Variants in SLIT3 observed in about 807,000 individuals in gnomAD.
The protein encoded by SLIT3 is slit guidance ligand 3, also known as slit homolog 3 protein.
In SLIT3, 68 loss-of-function variants were observed where a neutral mutation model predicts 184.0. The observed-to-expected ratio is 0.37, with a 90% CI of 0.30 to 0.45. The LOEUF is 0.45. Among genes scored for constraint, SLIT3 ranks in the 20% least tolerant of loss-of-function variants. The probability of loss-of-function intolerance (pLI) is 1.00; values close to 1 mark genes in which losing one functional copy is unlikely to be tolerated. For missense variants in SLIT3, 1,707 were observed against 2,026.0 expected, an observed-to-expected ratio of 0.84 and a Z score of 3.02; for synonymous variants, 831 against 828.6, an observed-to-expected ratio of 1.00 and a Z score of -0.05.
chr5:168,753,213 C>T (rs1754779495), intron 17 of SLIT3, 115 bp from the exon 18 acceptor site: 1 of 1,084,866 alleles, frequency 9.2e-7, no homozygotes, highest in Non-Finnish European at 1.3e-6. Context: ...ATTCTAAGCT[C>T]AGTCCAGCCA....
At position 169,300,876 on chromosome 5, in the gene SLIT3, GCGCTC is replaced by G; in HGVS notation, c.-172_-168del. 2.0e-6 allele frequency: 1 copy of G among 509,786 alleles called. No individual in the cohort carries two copies. The highest frequency in any genetic ancestry group is 2.8e-6 in the Non-Finnish European group (1 of 351,064). 31.6% of individuals were successfully genotyped at this position (509,786 alleles called of 1,614,324 possible). ...GCGCACGGGGCGCGGGCGGAGCGGG[GCGCTC>G]CGGGCGGCGGCGGCGGCAGCAACAG... On this transcript the variant is annotated 5_prime_UTR_variant, in exon 1 of 36. The change abolishes the stop of an existing upstream ORF in the 5' untranslated region. Transcript: ENST00000519560. The surrounding 1 kb of genome is among the most constrained non-coding windows in gnomAD (Gnocchi z 4.1).
intron 8 of SLIT3, among the ~76,000 whole-genome samples, chr5:168,815,089 T>G (rs1482426770): frequency 1.3e-5 from 2 of 152,222 alleles, no homozygotes; most frequent in African/African-American, 2.4e-5. Flanking sequence ...TAAATTCTCA[T>G]GTTCTCAAAA....
At chr5:169,244,097 C>T (rs1479608871) in intron 3 of SLIT3, among the ~76,000 whole-genome samples, 1 of 152,230 alleles carries the variant, frequency 6.6e-6, no homozygotes, top group African/African-American at 2.4e-5. Flanking sequence ...CATCCCTTTT[C>T]CTCTTTCCCT....
chr5:169,251,221 T>G (rs969458195), intron 2 of SLIT3, among the ~76,000 whole-genome samples, 167 bp downstream of exon 2: 1 of 152,206 alleles, frequency 6.6e-6, no homozygotes, highest in Admixed American at 6.5e-5. Flanking sequence ...ACACAGAATG[T>G]GATACCTGTA....
chr5:169,056,758 C>A (rs544588517), intron 4 of SLIT3, among the ~76,000 whole-genome samples: 2 of 152,164 alleles, frequency 1.3e-5, no homozygotes, highest in Non-Finnish European at 2.9e-5. Flanking sequence ...AGCAGATTGG[C>A]GGAGCTGACG....
In SLIT3 at chr5:168,971,797, A is replaced by G. The variant is rs1330895878; in HGVS notation, c.414-88461T>C. Among the ~76,000 whole-genome samples the G allele has an allele frequency of 2.0e-5, 3 of 152,180 alleles. 1 individual carries two copies. The highest frequency in any genetic ancestry group is 7.2e-5 in the African/African-American group (3 of 41,508). On this transcript the variant is annotated intron_variant, in intron 4 of 35. Coordinates refer to ENST00000519560, the MANE Select transcript of SLIT3 (RefSeq NM_003062.4). ...CTTTCTTCTGAGGGAAAACCTTTCC[A>G]CCTTCTCTCTCACCCTCCCTCCCTT...
At chr5:168,761,921 A>AAATTTTTT (rs1554139194) in intron 15 of SLIT3, among the ~76,000 whole-genome samples, 1 of 110,472 alleles carries the variant, frequency 9.1e-6, no homozygotes, top group African/African-American at 3.6e-5. Flanking sequence ...AAAAAAAAAA[A>AAATTTTTT]TTTTTTTTTT....
chr5:169,088,705 G>A (rs550767293), intron 4 of SLIT3, among the ~76,000 whole-genome samples: 16 of 152,126 alleles, frequency 1.1e-4, no homozygotes, highest in Admixed American at 9.8e-4. Context: ...GAGGAATACC[G>A]ATTCCAGGCC....
chr5:169,287,798 T>C (rs1767209418), intron 1 of SLIT3, among the ~76,000 whole-genome samples: 1 of 152,248 alleles, frequency 6.6e-6, no homozygotes, highest in Admixed American at 6.5e-5. Flanking sequence ...CCACAAGTCT[T>C]GCATTCCAAA....
At chr5:169,117,896 C>T (rs1760742009) in intron 4 of SLIT3, among the ~76,000 whole-genome samples, 1 of 152,222 alleles carries the variant, frequency 6.6e-6, no homozygotes, top group Non-Finnish European at 1.5e-5. Flanking sequence ...CACAGCGCTT[C>T]CTAAGCACGA....
At chr5:168,672,826 A>G (rs1398064982) in intron 33 of SLIT3, among the ~76,000 whole-genome samples, 1 of 152,092 alleles carries the variant, frequency 6.6e-6, no homozygotes, top group African/African-American at 2.4e-5. Flanking sequence ...ACATTCATTA[A>G]TTGAACCTCC....
chr5:169,182,586 T>C (rs1280540278), intron 4 of SLIT3, among the ~76,000 whole-genome samples: 2 of 152,210 alleles, frequency 1.3e-5, no homozygotes, highest in African/African-American at 4.8e-5. Context: ...CAAATGTTGG[T>C]TGAAAATGAG....
chr5:169,074,681 A>T (rs1310389612), intron 4 of SLIT3, among the ~76,000 whole-genome samples: 1 of 152,202 alleles, frequency 6.6e-6, no homozygotes, highest in African/African-American at 2.4e-5. Context: ...AAGTCAGCAT[A>T]CCAGGGACTC....
intron 4 of SLIT3, among the ~76,000 whole-genome samples, chr5:169,109,176 C>T (rs1194293109): frequency 1.3e-5 from 2 of 152,198 alleles, no homozygotes; most frequent in African/African-American, 4.8e-5. Context: ...AATGTCACTC[C>T]TGTGATTAGA....
intron 5 of SLIT3, among the ~76,000 whole-genome samples, chr5:168,869,560 T>C (rs1379945475): frequency 1.3e-5 from 2 of 152,202 alleles, no homozygotes; most frequent in East Asian, 3.9e-4. Flanking sequence ...GTTTATTTGG[T>C]GTACATGTCG....
intron 4 of SLIT3, among the ~76,000 whole-genome samples, chr5:168,937,043 CT>C (rs1762181926): frequency 6.6e-6 from 1 of 152,088 alleles, no homozygotes; most frequent in Non-Finnish European, 1.5e-5. Flanking sequence ...TCAGAAAAGG[CT>C]TTCTGAAGGA....
At chr5:169,299,754 C>T (rs944131605) in intron 1 of SLIT3, among the ~76,000 whole-genome samples, 1 of 152,220 alleles carries the variant, frequency 6.6e-6, no homozygotes, top group Non-Finnish European at 1.5e-5. Context: ...TCTCCAAGCG[C>T]CTCTCCATTC....
At chr5:168,982,430 A>G (rs932194027) in intron 4 of SLIT3, among the ~76,000 whole-genome samples, 28 of 152,102 alleles carry the variant, frequency 1.8e-4, no homozygotes, top group African/African-American at 6.0e-4. Flanking sequence ...CACCAGATGC[A>G]CCCCCTTGAC....
chr5:169,274,161 C>A (rs925033004), intron 1 of SLIT3, among the ~76,000 whole-genome samples: 1 of 152,180 alleles, frequency 6.6e-6, no homozygotes, highest in African/African-American at 2.4e-5. Context: ...GCAGGTGGGC[C>A]TATCAATTTG....
Sources: gnomAD v4.1 joint callset for allele counts (sites outside exome capture counted in the v4.1 genomes callset) on GRCh38, gnomAD v4.1.1 for gene constraint, Gnocchi (gnomAD v3.1) non-coding constraint, MANE v1.5 for transcripts, NCBI Gene and HGNC (gene_info 2026-07-23, HGNC 2026-07-21) for gene names.